ITGBL1: variants seen among roughly 807,000 people sequenced by gnomAD.
ITGBL1 encodes the protein integrin subunit beta like 1.
In ITGBL1, 51 loss-of-function variants were observed where a neutral mutation model predicts 68.5. The observed-to-expected ratio is 0.74, with a 90% confidence interval of 0.59 to 0.94. The LOEUF is 0.94. ITGBL1 is among the 40% of genes least tolerant of loss of function. ITGBL1 has a pLI of 0.00. For synonymous variants in ITGBL1, 209 were observed against 227.3 expected, an observed-to-expected ratio of 0.92 and a Z score of 0.72; for missense variants, 649 against 647.4, an observed-to-expected ratio of 1.00 and a Z score of -0.03.
chr13:101,678,429 C>T (rs1219485063), intron 7 of ITGBL1, among the ~76,000 whole-genome samples: 1 of 151,438 alleles, frequency 6.6e-6, no homozygotes, highest in Non-Finnish European at 1.5e-5. Context: ...GCTAATTATC[C>T]CAGATTTGGG....
chr13:101,484,213 G>A (rs1477322799), intron 2 of ITGBL1, among the ~76,000 whole-genome samples: 1 of 151,974 alleles, frequency 6.6e-6, no homozygotes, highest in East Asian at 1.9e-4. Context: ...GTGGTTAAAA[G>A]GGATAGGTAA....
At chr13:101,646,278 C>T (rs1286679593) in intron 7 of ITGBL1, among the ~76,000 whole-genome samples, 2 of 151,896 alleles carry the variant, frequency 1.3e-5, no homozygotes, top group African/African-American at 4.8e-5. Flanking sequence ...CTTTTGAGAG[C>T]CACCAGGTGT....
At position 101,655,805 on chromosome 13, in the gene ITGBL1, C is replaced by T. The variant is rs375885249; in HGVS notation, c.1016-36780C>T. ...GCCACAAGTGATAATTGGCAATGCC[C>T]AAAGAGATGCTATGAAAGCCTTAAT... On this transcript the variant is annotated intron_variant, in intron 7 of 10. Coordinates refer to ENST00000376180, the MANE Select transcript of ITGBL1 (RefSeq NM_004791.3). 2.6e-4 allele frequency among the ~76,000 whole-genome samples: 40 copies of T among 152,198 alleles called. No homozygotes were observed. In the East Asian group the frequency reaches 3.1e-3, roughly 12 times the overall value.
chr13:101,679,775 C>T (rs914225574), intron 7 of ITGBL1, among the ~76,000 whole-genome samples: 5 of 152,134 alleles, frequency 3.3e-5, no homozygotes, highest in Middle Eastern at 3.2e-3. Context: ...CCTAAATGAC[C>T]TCCTCTGTGA....
intron 2 of ITGBL1, among the ~76,000 whole-genome samples, chr13:101,496,577 C>T (rs756985766): frequency 5.9e-5 from 9 of 152,130 alleles, no homozygotes; most frequent in Non-Finnish European, 8.8e-5. Flanking sequence ...TTCCACTTCT[C>T]ATCTTATTGG....
chr13:101,644,609 G>A (rs181856617), intron 7 of ITGBL1, among the ~76,000 whole-genome samples: 2 of 152,156 alleles, frequency 1.3e-5, no homozygotes, highest in African/African-American at 4.8e-5. Flanking sequence ...TTCCTCTTTA[G>A]GGATTCAGCA....
In ITGBL1 at chr13:101,678,502, C is replaced by CTT. The variant is rs34943103; in HGVS notation, c.1016-14069_1016-14068dup. Among the ~76,000 whole-genome samples, 181 of 143,198 alleles carry CTT rather than the reference C, an allele frequency of 1.3e-3. 1 individual carries two copies. Among genetic ancestry groups the CTT allele is most frequent in the Middle Eastern group, 3.7e-3 (1 of 272 alleles). The allele number at this position is 143,198 out of a possible 152,430, so 93.9% of individuals were successfully genotyped here. A position where few individuals can be genotyped will look rare whatever the true frequency, so the allele number is the denominator to read the frequency against. On this transcript the variant is annotated intron_variant, in intron 7 of 10. Coordinates refer to ENST00000376180, the MANE Select transcript of ITGBL1 (RefSeq NM_004791.3). ...TAAGGAAGTGACAGATTCACTGAGACTTTTTTTTTTTTTTTGAGATGGAGT... is the reference window on the plus strand; with the variant it reads ...TAAGGAAGTGACAGATTCACTGAGACTTTTTTTTTTTTTTTTTGAGATGGAGT...
At chr13:101,543,616 T>C (rs2049755578) in intron 2 of ITGBL1, among the ~76,000 whole-genome samples, 1 of 152,202 alleles carries the variant, frequency 6.6e-6, no homozygotes, top group African/African-American at 2.4e-5. Context: ...CCTGGCTAGA[T>C]TGGGGAAGTT....
At chr13:101,605,996 A>G (rs1566754679) in intron 7 of ITGBL1, among the ~76,000 whole-genome samples, 1 of 146,670 alleles carries the variant, frequency 6.8e-6, no homozygotes, top group African/African-American at 2.5e-5. Context: ...ATATATGTGT[A>G]TATATACACA....
rs756578035 is a variant in ITGBL1 at position 101,452,847 on chromosome 13, G to T, written c.14G>T (p.Gly5Val). 2.5e-6 allele frequency: 4 copies of T among 1,613,964 alleles called. No individual in the cohort carries two copies. Among genetic ancestry groups the T allele is most frequent in the Middle Eastern group, 1.7e-4 (1 of 6,046 alleles). Reference protein sequence around the residue: MRPPGFRNFLLLASS... With the variant: MRPPVFRNFLLLASS... ...CAGGAGCTCAGCATGCGTCCCCCAG[G>T]CTTCAGGAACTTCTTGCTGCTGGCG... The change falls in exon 1 of 11, where the codon GGC becomes GTC. Residue 5 changes from glycine (G) to valine (V), a missense_variant. Physicochemically the swap from Gly to Val is moderately radical, Grantham distance 109. Transcript: ENST00000376180.
At chr13:101,552,047 C>T (rs1372875961) in intron 2 of ITGBL1, among the ~76,000 whole-genome samples, 2 of 152,156 alleles carry the variant, frequency 1.3e-5, no homozygotes, top group Admixed American at 6.5e-5. Context: ...GCTCTTTCCT[C>T]AATCTCCAAG....
At chr13:101,620,768 A>G (rs1035080931) in intron 7 of ITGBL1, among the ~76,000 whole-genome samples, 23 of 152,170 alleles carry the variant, frequency 1.5e-4, no homozygotes, top group African/African-American at 4.6e-4. Context: ...TATTTTGGAA[A>G]AATTTAAAAC....
intron 2 of ITGBL1, among the ~76,000 whole-genome samples, chr13:101,560,003 T>A (rs1433536205): frequency 4.6e-5 from 7 of 152,142 alleles, no homozygotes; most frequent in Non-Finnish European, 8.8e-5. Flanking sequence ...CTCTCAGGAA[T>A]GAAAAGCAGA....
intron 7 of ITGBL1, among the ~76,000 whole-genome samples, chr13:101,648,672 T>C (rs779834899): frequency 1.6e-4 from 24 of 152,100 alleles, no homozygotes; most frequent in Non-Finnish European, 3.2e-4. Flanking sequence ...AATTATTAAA[T>C]AAAGTTCATA....
At chr13:101,596,179 C>T (rs1384400180) in intron 6 of ITGBL1, among the ~76,000 whole-genome samples, 1 of 151,858 alleles carries the variant, frequency 6.6e-6, no homozygotes, top group Non-Finnish European at 1.5e-5. Flanking sequence ...GTAAAATAAG[C>T]CAGACATAGA....
chr13:101,552,068 TTA>T (rs1349748415), intron 2 of ITGBL1, among the ~76,000 whole-genome samples: 2 of 152,164 alleles, frequency 1.3e-5, no homozygotes, highest in East Asian at 3.9e-4. Flanking sequence ...CTCCTTGGTT[TTA>T]AATGGCTTCA....
At chr13:101,460,294 G>A (rs1292009088) in intron 2 of ITGBL1, among the ~76,000 whole-genome samples, 1 of 152,126 alleles carries the variant, frequency 6.6e-6, no homozygotes, top group Non-Finnish European at 1.5e-5. Context: ...ATAAATGTCT[G>A]TAACAGACAG....
chr13:101,598,297 G>C lies in ITGBL1; in HGVS notation c.1013G>C (p.Arg338Thr), dbSNP rs753747975. The C allele has an allele frequency of 1.9e-6, 3 of 1,602,914 alleles. No homozygotes were observed. The highest frequency in any genetic ancestry group is 2.6e-6 in the Non-Finnish European group (3 of 1,175,354). ...AGCTCGGATCTGCCTTGCTCTGGGAGGGGTAAGTGAGGTCTCTCAGGGCTT... is the reference window on the plus strand; with the variant it reads ...AGCTCGGATCTGCCTTGCTCTGGGACGGGTAAGTGAGGTCTCTCAGGGCTT... Reference protein sequence around the residue: ...QGSSDLPCSGRGKCECGKCTC... With the variant: ...QGSSDLPCSGTGKCECGKCTC... Residue 338 changes from arginine (R) to threonine (T), a missense_variant and splice_region_variant, in exon 7 of 11, where the codon AGG becomes ACG. Transcript: ENST00000376180.
chr13:101,632,153 A>C lies in ITGBL1; in HGVS notation c.1015+33854A>C, dbSNP rs532834056. Among the ~76,000 whole-genome samples, 980 of 148,676 alleles carry C rather than the reference A, an allele frequency of 6.6e-3. 7 individuals carry two copies. Among genetic ancestry groups the C allele is most frequent in the African/African-American group, 0.019 (730 of 38,396 alleles). The stretch of plus-strand genomic sequence containing the variant: ...ATTCTCTCTCTCTCTCTCTCTCTAT[A>C]TATATATATATCTGACAATAAGCTA... On this transcript the variant is annotated intron_variant, in intron 7 of 10. Coordinates refer to ENST00000376180, the MANE Select transcript of ITGBL1 (RefSeq NM_004791.3).
Sources: allele counts gnomAD v4.1 joint callset (sites outside exome capture counted in the v4.1 genomes callset), GRCh38; gene constraint gnomAD v4.1.1; transcripts MANE v1.5; gene names NCBI Gene and HGNC (gene_info 2026-07-23, HGNC 2026-07-21).